SLC36A1: variants seen among roughly 807,000 people sequenced by gnomAD.
The protein encoded by SLC36A1 is proton-coupled amino acid transporter 1.
SLC36A1 carries 30 observed loss-of-function variants against 47.5 expected under a neutral mutation model. That is an observed-to-expected ratio of 0.63 (90% confidence interval 0.47 to 0.86). The LOEUF is 0.86. SLC36A1 is among the 40% of genes least tolerant of loss of function. SLC36A1 has a pLI of 0.00. For synonymous variants in SLC36A1, 255 were observed against 249.7 expected (o/e 1.02, Z -0.20); for missense variants, 517 against 606.0 (o/e 0.85, Z 1.54).
At chr5:151,534,496 A>G in the SLC36A1 span, 1 of 1,614,036 alleles carries the variant, frequency 6.2e-7, no homozygotes, top group South Asian at 1.1e-5. Context: ...TGGCTGGGGA[A>G]GAACCGCGGG....
At chr5:151,436,985 C>T (rs1323369818), upstream of SLC36A1, 1 of 152,150 alleles carries the variant, frequency 6.6e-6, no homozygotes, top group Non-Finnish European at 1.5e-5. Context: ...CCCTTTGTTC[C>T]CATTGTGAGG....
the SLC36A1 span, chr5:151,512,830 G>A: frequency 7.0e-6 from 4 of 567,542 alleles, no homozygotes; most frequent in African/African-American, 1.9e-5. The surrounding 1 kb of genome is among the most constrained non-coding windows in gnomAD (Gnocchi z 4.1). Flanking sequence ...TGGGTAGGGG[G>A]TGACATCTCC....
At chr5:151,440,781 G>A (rs1752579351) in intron 1 of SLC36A1, among the ~76,000 whole-genome samples, 1 of 152,116 alleles carries the variant, frequency 6.6e-6, no homozygotes, top group Admixed American at 6.5e-5. Context: ...GAAACCAAAT[G>A]GAGATCAAAA....
Position 151,439,635 on chromosome 5 carries a change from AG to A in SLC36A1, c.-6+2457del, listed in dbSNP as rs569915625. On this transcript the variant is annotated intron_variant, in intron 1 of 8. Transcript: ENST00000429484. ...GCCACTGCACTCCAGCCAGGGCAAC[AG>A]AGTGAGACTCCATCTCAAAAAAAAA... 3.4e-4 allele frequency among the ~76,000 whole-genome samples: 51 copies of A among 151,710 alleles called. 1 individual carries two copies. The highest frequency in any genetic ancestry group is 1.0e-3 in the African/African-American group (43 of 41,338).
chr5:151,366,624 C>A, the SLC36A1 span: 1 of 165,040 alleles, frequency 6.1e-6, no homozygotes, highest in South Asian at 1.4e-4. Flanking sequence ...GGGTAAGGAC[C>A]ATGCCCAGAT....
chr5:151,397,278 A>C, the SLC36A1 span, among the ~76,000 whole-genome samples: 1 of 152,242 alleles, frequency 6.6e-6, no homozygotes, highest in Non-Finnish European at 1.5e-5. Flanking sequence ...CCATGCATAC[A>C]CATGGAGCCC....
chr5:151,375,341 G>A, the SLC36A1 span, among the ~76,000 whole-genome samples: 1 of 152,026 alleles, frequency 6.6e-6, no homozygotes, highest in Non-Finnish European at 1.5e-5. Context: ...GTATGTTTTT[G>A]TCAACTTTGT....
the SLC36A1 span, among the ~76,000 whole-genome samples, chr5:151,378,945 G>A: frequency 4.6e-5 from 7 of 152,342 alleles, no homozygotes; most frequent in East Asian, 1.9e-4. Flanking sequence ...CGTATCTCTC[G>A]GAAGAAGAGA....
At chr5:151,398,074 C>T in the SLC36A1 span, among the ~76,000 whole-genome samples, 2 of 152,150 alleles carry the variant, frequency 1.3e-5, no homozygotes, top group African/African-American at 4.8e-5. Context: ...GCCAAAGTCG[C>T]ACCACTGCAC....
At chr5:151,436,579 A>G (rs532471550), upstream of SLC36A1, among the ~76,000 whole-genome samples, 1 of 152,088 alleles carries the variant, frequency 6.6e-6, no homozygotes, top group African/African-American at 2.4e-5. Context: ...ACAGATTCTC[A>G]AGCTGGTTGT....
At chr5:151,374,428 A>ATG in the SLC36A1 span, among the ~76,000 whole-genome samples, 1 of 152,002 alleles carries the variant, frequency 6.6e-6, no homozygotes. Context: ...GTGTATGTGT[A>ATG]TGTGTGTGTG....
chr5:151,375,920 A>G, the SLC36A1 span, among the ~76,000 whole-genome samples: 1 of 152,174 alleles, frequency 6.6e-6, no homozygotes, highest in Admixed American at 6.5e-5. Context: ...GTTTTTCTAG[A>G]CATAGATCAT....
the SLC36A1 span, among the ~76,000 whole-genome samples, chr5:151,370,428 T>C: frequency 6.6e-6 from 1 of 151,980 alleles, no homozygotes; most frequent in African/African-American, 2.4e-5. Flanking sequence ...TTTGTTAGGC[T>C]CCATTCATGT....
At chr5:151,499,000 T>C in the SLC36A1 span, among the ~76,000 whole-genome samples, 1 of 152,232 alleles carries the variant, frequency 6.6e-6, no homozygotes, top group Non-Finnish European at 1.5e-5. Flanking sequence ...TGAAATCTAC[T>C]CCCACTCTGC....
chr5:151,521,293 C>A, the SLC36A1 span: 1 of 1,610,000 alleles, frequency 6.2e-7, no homozygotes, highest in African/African-American at 1.3e-5. Flanking sequence ...GGAGCAGCTC[C>A]TCTGCAGGTG....
the SLC36A1 span, among the ~76,000 whole-genome samples, chr5:151,390,648 A>G: frequency 6.6e-6 from 1 of 152,214 alleles, no homozygotes; most frequent in Non-Finnish European, 1.5e-5. Context: ...TCCCAGCACC[A>G]TTTATTAAAC....
rs150821351 is a variant in SLC36A1 at position 151,453,047 on chromosome 5, G to C, written c.-6+5234G>C. Among the ~76,000 whole-genome samples the C allele has an allele frequency of 2.6e-3, 384 of 150,436 alleles. 3 individuals are homozygous for C. The highest frequency in any genetic ancestry group is 8.5e-3 in the African/African-American group (348 of 40,908). On this transcript the variant is annotated intron_variant, in intron 1 of 10. Transcript: ENST00000243389. ...TGAAACCCCGTCTCTACTAAAAATA[G>C]AAAAAAATTAGCCAGTTGTGGTGGC...
the SLC36A1 span, among the ~76,000 whole-genome samples, chr5:151,548,700 C>T: frequency 3.3e-5 from 5 of 152,222 alleles, no homozygotes; most frequent in East Asian, 9.6e-4. Context: ...AGGCGGGTCT[C>T]GAACTCCCAA....
At chr5:151,518,348 C>CTAATAATAATAATAA in the SLC36A1 span, among the ~76,000 whole-genome samples, 2,235 of 101,456 alleles carry the variant, frequency 0.022, 74 homozygotes, top group African/African-American at 0.059. Context: ...GACCATGTCT[C>CTAATAATAATAATAA]TAATAATAAT....
Sources: gnomAD v4.1 joint callset for allele counts (sites outside exome capture counted in the v4.1 genomes callset) on GRCh38, gnomAD v4.1.1 for gene constraint, Gnocchi (gnomAD v3.1) non-coding constraint, MANE v1.5 for transcripts, NCBI Gene and HGNC (gene_info 2026-07-23, HGNC 2026-07-21) for gene names.